DARS1: variants seen among roughly 807,000 people sequenced by gnomAD.
DARS1 encodes aspartyl-tRNA synthetase 1.
A neutral mutation model predicts 68.8 loss-of-function variants in DARS1; 51 were observed. The observed-to-expected ratio is 0.74, with a 90% CI of 0.59 to 0.94. The LOEUF is 0.94. Ranked by LOEUF, DARS1 falls within the 40% of genes least tolerant of loss-of-function variation. The pLI, the probability that DARS1 is intolerant of heterozygous loss-of-function variation, is 0.00. For synonymous variants in DARS1, 203 were observed against 190.4 expected (o/e 1.07, Z -0.55); for missense variants, 607 against 597.3 (o/e 1.02, Z -0.17).
At chr2:135,948,480 A>G (rs1681774095) in intron 4 of DARS1, among the ~76,000 whole-genome samples, 2 of 152,246 alleles carry the variant, frequency 1.3e-5, no homozygotes, top group South Asian at 4.1e-4. Context: ...CAAGCCCAGC[A>G]GAGTACCTGG....
At chr2:135,932,746 G>T in intron 7 of DARS1, 37 bp downstream of exon 7, 1 of 924,466 alleles carries the variant, frequency 1.1e-6, no homozygotes, top group South Asian at 1.4e-5. Context: ...CTCTAATGCG[G>T]CATAATTGCT....
chr2:135,978,161 A>G (rs1232682561), intron 3 of DARS1, among the ~76,000 whole-genome samples: 4 of 149,194 alleles, frequency 2.7e-5, no homozygotes, highest in South Asian at 4.2e-4. Flanking sequence ...AAAAAAAAAA[A>G]AAAAGAAAAA....
At chr2:135,920,715 C>T in intron 9 of DARS1, 115 bp from the exon 10 acceptor site, 1 of 1,334,234 alleles carries the variant, frequency 7.5e-7, no homozygotes, top group Non-Finnish European at 9.8e-7. Context: ...TTTCATATTA[C>T]AGGGCTGGAA....
At chr2:135,908,923 T>C (rs970308349) in intron 15 of DARS1, among the ~76,000 whole-genome samples, 3 of 152,166 alleles carry the variant, frequency 2.0e-5, no homozygotes, top group Non-Finnish European at 2.9e-5. Context: ...GTAAACGTAG[T>C]ACATATATAC....
At chr2:135,924,557 C>A in intron 7 of DARS1, 59 bp from the exon 8 acceptor site, 1 of 1,560,202 alleles carries the variant, frequency 6.4e-7, no homozygotes, top group Non-Finnish European at 8.6e-7. Context: ...AGCACTAACT[C>A]TGTGGGCTAG....
At chr2:135,949,411 G>A (rs1172515759) in intron 4 of DARS1, among the ~76,000 whole-genome samples, 2 of 151,794 alleles carry the variant, frequency 1.3e-5, no homozygotes, top group South Asian at 2.1e-4. Flanking sequence ...CTTTAAAATG[G>A]CACACATACA....
At chr2:135,927,491 C>A (rs1681244794) in intron 7 of DARS1, among the ~76,000 whole-genome samples, 1 of 152,044 alleles carries the variant, frequency 6.6e-6, no homozygotes. Context: ...ATAAACCATA[C>A]TAATAATATT....
chr2:135,980,729 A>G (rs902162291), intron 2 of DARS1, among the ~76,000 whole-genome samples: 1 of 152,220 alleles, frequency 6.6e-6, no homozygotes, highest in African/African-American at 2.4e-5. Context: ...AAATGCCAAG[A>G]CTGAAAAAGC....
rs1463377848 is a variant in DARS1 at position 135,911,579 on chromosome 2, G to A, written c.1231-86C>T. ...CGGAAAAAAATCTCTGCTGCATGAAGAGCAAGTTCATTTTTTCCTACAATT... is the reference window on the plus strand; with the variant it reads ...CGGAAAAAAATCTCTGCTGCATGAAAAGCAAGTTCATTTTTTCCTACAATT... On this transcript the variant is annotated intron_variant, in intron 13 of 15. Transcript: ENST00000264161. 12 of 673,466 alleles carry A rather than the reference G, an allele frequency of 1.8e-5. No individual in the cohort carries two copies. The East Asian group carries it at 3.2e-4, about 18-fold the overall frequency. 41.7% of individuals were successfully genotyped at this position (673,466 alleles called of 1,614,324 possible). A position where few individuals can be genotyped will look rare whatever the true frequency, so the allele number is the denominator to read the frequency against.
intron 3 of DARS1, among the ~76,000 whole-genome samples, chr2:135,964,840 C>CAAAAAAA (rs372676148): frequency 7.1e-4 from 35 of 49,606 alleles, no homozygotes; most frequent in East Asian, 1.1e-3. Context: ...GACTCCACCT[C>CAAAAAAA]AAAAAAAAAA....
At chr2:135,983,828 T>C (rs1394284006) in intron 1 of DARS1, among the ~76,000 whole-genome samples, 1 of 152,232 alleles carries the variant, frequency 6.6e-6, no homozygotes, top group East Asian at 1.9e-4. Flanking sequence ...TAGGATGAAG[T>C]ACCACAGTTT....
intron 3 of DARS1, among the ~76,000 whole-genome samples, chr2:135,965,329 C>T (rs1463096578): frequency 6.6e-6 from 1 of 152,014 alleles, no homozygotes; most frequent in South Asian, 2.1e-4. Flanking sequence ...ATAAATTAAT[C>T]TTTTTAATAC....
At position 135,961,603 on chromosome 2, in the gene DARS1, A is replaced by G. The variant is rs6430594; in HGVS notation, c.218-105T>C. The G allele has an allele frequency of 0.19, 134,860 of 719,360 alleles. 15,605 individuals carry two copies. Among genetic ancestry groups the G allele is most frequent in the Middle Eastern group, 0.36 (1,505 of 4,192 alleles). 44.6% of individuals were successfully genotyped at this position (719,360 alleles called of 1,614,324 possible). A position where few individuals can be genotyped will look rare whatever the true frequency, so the allele number is the denominator to read the frequency against. On this transcript the variant is annotated intron_variant, in intron 3 of 15. Coordinates refer to ENST00000264161, the MANE Select transcript of DARS1 (RefSeq NM_001349.4). ...TTAAAAGTGGGCCAAAATTTACTATACTCATCAGGCACGCATGCATGTGTA... is the reference window on the plus strand; with the variant it reads ...TTAAAAGTGGGCCAAAATTTACTATGCTCATCAGGCACGCATGCATGTGTA...
At chr2:135,961,802 T>C (rs777678238) in intron 3 of DARS1, among the ~76,000 whole-genome samples, 1 of 152,230 alleles carries the variant, frequency 6.6e-6, no homozygotes, top group Non-Finnish European at 1.5e-5. Context: ...TGTCATTGCA[T>C]TGATTTATTA....
intron 5 of DARS1, among the ~76,000 whole-genome samples, chr2:135,941,258 C>T (rs2104817267): frequency 6.6e-6 from 1 of 152,340 alleles, no homozygotes; most frequent in South Asian, 2.1e-4. Flanking sequence ...TGACTTCAAA[C>T]TATACTACAA....
intron 4 of DARS1, among the ~76,000 whole-genome samples, chr2:135,943,848 A>G (rs1334829501): frequency 6.6e-6 from 1 of 152,214 alleles, no homozygotes; most frequent in Non-Finnish European, 1.5e-5. Context: ...ATAATGAGAA[A>G]TACTGGCTTC....
intron 7 of DARS1, 27 bp from the exon 8 acceptor site, chr2:135,924,525 A>G (rs757054054): frequency 6.3e-7 from 1 of 1,588,760 alleles, no homozygotes. Context: ...AAATCTAATT[A>G]AATCAACGTA....
chr2:135,943,653 T>C (rs1167363775), intron 4 of DARS1, among the ~76,000 whole-genome samples, 173 bp from the exon 5 acceptor site: 1 of 152,250 alleles, frequency 6.6e-6, no homozygotes, highest in Non-Finnish European at 1.5e-5. Context: ...TAGCATACCT[T>C]GTGAGATTCC....
rs1365442033 is a variant in DARS1, at chr2:135,926,128, C to T, written c.565-1630G>A. ...CTGGTCTTGAACCCCTGACCCCAGG[C>T]GATCTGCTCATCACGGCCTCCCAAA... On this transcript the variant is annotated intron_variant, in intron 7 of 15. Transcript: ENST00000264161. 3.9e-5 allele frequency among the ~76,000 whole-genome samples: 6 copies of T among 152,100 alleles called. No individual in the cohort carries two copies. The East Asian group carries it at 1.2e-3, about 29-fold the overall frequency.
Sources: gnomAD v4.1 joint callset for allele counts (sites outside exome capture counted in the v4.1 genomes callset) on GRCh38, gnomAD v4.1.1 for gene constraint, MANE v1.5 for transcripts, NCBI Gene and HGNC (gene_info 2026-07-23, HGNC 2026-07-21) for gene names.